GPC5: variants seen among roughly 807,000 people sequenced by gnomAD.
GPC5 encodes glypican 5.
GPC5 carries 47 observed loss-of-function variants against 53.9 expected under a neutral mutation model. The ratio of observed to expected loss-of-function variants is 0.87; its 90% CI spans 0.69 to 1.11. GPC5 has a LOEUF of 1.11. GPC5 is among the 50% of genes most tolerant of loss of function. The probability of loss-of-function intolerance (pLI) is 0.00; values close to 1 mark genes in which losing one functional copy is unlikely to be tolerated. For missense variants in GPC5, 748 were observed against 713.1 expected, an observed-to-expected ratio of 1.05 and a Z score of -0.56; for synonymous variants, 286 against 263.3, an observed-to-expected ratio of 1.09 and a Z score of -0.84.
At chr13:91,922,901 G>T (rs1023601401) in intron 6 of GPC5, among the ~76,000 whole-genome samples, 1 of 151,974 alleles carries the variant, frequency 6.6e-6, no homozygotes, top group Non-Finnish European at 1.5e-5. Flanking sequence ...AAATGCTCTG[G>T]AGAAACCTCT....
chr13:92,229,139 A>C (rs899599270), intron 7 of GPC5, among the ~76,000 whole-genome samples: 3 of 150,254 alleles, frequency 2.0e-5, no homozygotes, highest in Non-Finnish European at 1.5e-5. Context: ...ATAACCCTAC[A>C]TTAGGCTCTG....
chr13:91,424,466 G>A (rs936560060), intron 1 of GPC5, among the ~76,000 whole-genome samples: 26 of 149,404 alleles, frequency 1.7e-4, no homozygotes, highest in Non-Finnish European at 3.2e-4. Flanking sequence ...CCAGGTTCAA[G>A]CAATTCTCCT....
At chr13:91,883,434 T>C (rs765390451) in intron 5 of GPC5, among the ~76,000 whole-genome samples, 8 of 152,202 alleles carry the variant, frequency 5.3e-5, no homozygotes, top group Non-Finnish European at 1.2e-4. Context: ...TTTTGGACTA[T>C]GCTTAAAACT....
intron 6 of GPC5, among the ~76,000 whole-genome samples, chr13:91,971,048 C>T (rs573786275): frequency 3.2e-4 from 49 of 152,276 alleles, no homozygotes; most frequent in African/African-American, 1.2e-3. Flanking sequence ...ATGGTACCAG[C>T]TCCTCCTTGT....
chr13:91,519,905 A>C (rs1048906479), intron 2 of GPC5, among the ~76,000 whole-genome samples: 14 of 152,114 alleles, frequency 9.2e-5, no homozygotes, highest in Admixed American at 9.2e-4. Context: ...AGTTCCAAGG[A>C]AAAAAAGAAC....
At chr13:91,408,395 A>T (rs1474543912) in intron 1 of GPC5, among the ~76,000 whole-genome samples, 1 of 151,988 alleles carries the variant, frequency 6.6e-6, no homozygotes, top group Non-Finnish European at 1.5e-5. Flanking sequence ...GCATTTCCTT[A>T]TTTTTTATGG....
intron 2 of GPC5, among the ~76,000 whole-genome samples, chr13:91,469,157 G>A (rs1245544764): frequency 2.6e-5 from 4 of 151,918 alleles, no homozygotes; most frequent in East Asian, 3.9e-4. Context: ...TGCCCAGGCT[G>A]GAGTGCAGTG....
chr13:91,853,916 C>A (rs2038939819), intron 5 of GPC5, among the ~76,000 whole-genome samples: 2 of 151,878 alleles, frequency 1.3e-5, no homozygotes, highest in Admixed American at 1.3e-4. Flanking sequence ...CAGTGAGAAC[C>A]TTTCAGCCAT....
chr13:91,775,616 G>A (rs544880839), intron 5 of GPC5, among the ~76,000 whole-genome samples: 1 of 152,134 alleles, frequency 6.6e-6, no homozygotes, highest in Non-Finnish European at 1.5e-5. Flanking sequence ...AGGCATTTCA[G>A]TTGGAGTTTT....
chr13:92,287,086 A>G (rs1044837970), intron 7 of GPC5, among the ~76,000 whole-genome samples: 8 of 152,144 alleles, frequency 5.3e-5, no homozygotes, highest in African/African-American at 1.4e-4. Context: ...CACCAAGTCT[A>G]TAGTAATTTT....
chr13:92,494,891 C>T (rs1490003884), intron 7 of GPC5, among the ~76,000 whole-genome samples: 1 of 152,004 alleles, frequency 6.6e-6, no homozygotes, highest in African/African-American at 2.4e-5. Flanking sequence ...TGTAGTTAAC[C>T]CCACCAATTA....
At chr13:92,819,301 A>T (rs1038139081) in intron 7 of GPC5, among the ~76,000 whole-genome samples, 12 of 150,446 alleles carry the variant, frequency 8.0e-5, no homozygotes, top group African/African-American at 2.8e-4. Context: ...TTACTTTCAT[A>T]CAATGTTCTA....
At chr13:91,785,774 T>C (rs1440383707) in intron 5 of GPC5, among the ~76,000 whole-genome samples, 3 of 152,228 alleles carry the variant, frequency 2.0e-5, no homozygotes, top group African/African-American at 7.2e-5. Flanking sequence ...ATTCAGCCCA[T>C]CTGCACAGAT....
intron 7 of GPC5, among the ~76,000 whole-genome samples, chr13:92,222,418 T>C (rs1393672025): frequency 6.6e-6 from 1 of 152,172 alleles, no homozygotes; most frequent in Non-Finnish European, 1.5e-5. Context: ...AGAAGTTTAA[T>C]TACAGTAAAT....
At chr13:92,036,698 A>G (rs2040895584) in intron 6 of GPC5, among the ~76,000 whole-genome samples, 1 of 152,208 alleles carries the variant, frequency 6.6e-6, no homozygotes, top group African/African-American at 2.4e-5. Flanking sequence ...AACATCTCTC[A>G]AACACAACTC....
At chr13:92,351,979 G>A (rs951550192) in intron 7 of GPC5, among the ~76,000 whole-genome samples, 4 of 152,098 alleles carry the variant, frequency 2.6e-5, no homozygotes, top group African/African-American at 9.7e-5. Context: ...AGGTTTTTGT[G>A]GAAGAGTAAA....
chr13:92,435,169 C>T (rs768877235), intron 7 of GPC5, among the ~76,000 whole-genome samples: 1 of 152,094 alleles, frequency 6.6e-6, no homozygotes. Flanking sequence ...CCCACCTTGG[C>T]GTCCCAAAGT....
chr13:92,507,608 A>G (rs1412097025), intron 7 of GPC5, among the ~76,000 whole-genome samples: 1 of 152,178 alleles, frequency 6.6e-6, no homozygotes, highest in African/African-American at 2.4e-5. Context: ...TACCTATAAC[A>G]TCTCTGCTCT....
At chr13:91,405,999 TG>T in intron 1 of GPC5, among the ~76,000 whole-genome samples, 1 of 152,286 alleles carries the variant, frequency 6.6e-6, no homozygotes, top group East Asian at 1.9e-4. Flanking sequence ...CTTGAACTCC[TG>T]GGCTCAAGCA....
Sources: gnomAD v4.1 joint callset for allele counts (sites outside exome capture counted in the v4.1 genomes callset) on GRCh38, gnomAD v4.1.1 for gene constraint, MANE v1.5 for transcripts, NCBI Gene and HGNC (gene_info 2026-07-23, HGNC 2026-07-21) for gene names.